The following SLC35D1 variants were observed in gnomAD, a reference collection of about 807,000 sequenced individuals.
SLC35D1 encodes the protein nucleotide sugar transporter SLC35D1.
A neutral mutation model predicts 46.7 loss-of-function variants in SLC35D1; 31 were observed. The observed-to-expected ratio is 0.66, with a 90% CI of 0.50 to 0.90. The LOEUF is 0.90. SLC35D1 is among the 40% of genes least tolerant of loss of function. SLC35D1 has a pLI of 0.00. For missense variants in SLC35D1, 397 were observed against 426.2 expected (o/e 0.93, Z 0.60); for synonymous variants, 195 against 164.6 (o/e 1.18, Z -1.41).
chr1:67,025,419 TTC>T (rs769252273), intron 8 of SLC35D1, among the ~76,000 whole-genome samples: 13 of 152,234 alleles, frequency 8.5e-5, no homozygotes, highest in Non-Finnish European at 1.5e-4. Flanking sequence ...AGATTCTCTG[TTC>T]TGTTTCACTG....
At chr1:66,986,367 T>C in the SLC35D1 span, 1 of 1,599,314 alleles carries the variant, frequency 6.3e-7, no homozygotes. Flanking sequence ...TCCAAACTTT[T>C]ATAAAATATT....
rs1667401675 is a variant in SLC35D1, at chr1:67,004,309, G to A, written c.*31C>T. On this transcript the variant is annotated 3_prime_UTR_variant, in exon 12 of 12. Transcript: ENST00000235345. ...GTGTTCTGAGTTGATTAAAAACTTA[G>A]GCCTACGTATCAGATGAAGCAATCC... 3.1e-6 allele frequency: 5 copies of A among 1,588,110 alleles called. No individual in the cohort carries two copies. Among genetic ancestry groups the A allele is most frequent in the Non-Finnish European group, 4.3e-6 (5 of 1,156,628 alleles).
chr1:67,009,686 T>C (rs1248420155), intron 10 of SLC35D1, among the ~76,000 whole-genome samples: 1 of 58,886 alleles, frequency 1.7e-5, no homozygotes, highest in Non-Finnish European at 3.1e-5. Context: ...AAGCAACAGA[T>C]GTTGGCGAGG....
rs1570639218 is a variant in SLC35D1 at position 67,042,428 on chromosome 1, AC to A, written c.637-101del. 5.2e-6 allele frequency: 5 copies of A among 953,358 alleles called. No individual in the cohort carries two copies. The East Asian group carries it at 1.2e-4, about 23-fold the overall frequency. The allele number at this position is 953,358 out of a possible 1,614,324, so 59.1% of individuals were successfully genotyped here. ...AAACTACACATAAATACACAAACAC[AC>A]ACACCCTCCCCTACAACATACACAG... On this transcript the variant is annotated intron_variant, in intron 7 of 11. Transcript: ENST00000235345.
At chr1:67,051,634 T>C (rs981362741) in intron 4 of SLC35D1, among the ~76,000 whole-genome samples, 27 of 152,216 alleles carry the variant, frequency 1.8e-4, no homozygotes, top group African/African-American at 5.5e-4. Flanking sequence ...TTTTGCTGTG[T>C]GGAAGTTGCC....
Position 67,004,208 on chromosome 1 carries a change from T to C in SLC35D1, c.*132A>G. 1.3e-6 allele frequency: 1 copy of C among 767,986 alleles called. No homozygotes were observed. The highest frequency in any genetic ancestry group is 1.5e-5 in the South Asian group (1 of 68,844). The allele number at this position is 767,986 out of a possible 1,614,324, so 47.6% of individuals were successfully genotyped here. On this transcript the variant is annotated 3_prime_UTR_variant, in exon 12 of 12. Transcript: ENST00000235345. ...AATTTTAAAAGGCAGCAATCAATCC[T>C]CAGATTGTACAAGTGCAAAGGAATG...
downstream of SLC35D1, among the ~76,000 whole-genome samples, chr1:66,997,519 A>AAATATATATAT (rs1553262615): frequency 5.7e-4 from 42 of 74,024 alleles, no homozygotes; most frequent in East Asian, 9.5e-3. Flanking sequence ...AAAAAAAAAA[A>AAATATATATAT]ATATATATAT....
At chr1:67,006,906 A>C (rs1667462013) in intron 11 of SLC35D1, among the ~76,000 whole-genome samples, 1 of 152,212 alleles carries the variant, frequency 6.6e-6, no homozygotes, top group Non-Finnish European at 1.5e-5. Context: ...CAAAAATTCC[A>C]GATTTTGGAG....
At chr1:67,036,974 C>T (rs1158018548) in intron 8 of SLC35D1, among the ~76,000 whole-genome samples, 2 of 151,826 alleles carry the variant, frequency 1.3e-5, no homozygotes, top group South Asian at 2.1e-4. Flanking sequence ...TTGACATTAC[C>T]ATGAGGCTTG....
intron 10 of SLC35D1, among the ~76,000 whole-genome samples, chr1:67,012,364 G>A (rs1007436844): frequency 3.3e-5 from 5 of 151,678 alleles, no homozygotes; most frequent in Admixed American, 1.3e-4. Context: ...TTTTTTGGGC[G>A]GGGGCATGGG....
chr1:66,981,899 AAGC>A, the SLC35D1 span: 1 of 1,614,014 alleles, frequency 6.2e-7, no homozygotes, highest in Non-Finnish European at 8.5e-7. Context: ...ATGGCACTGT[AAGC>A]ACTGCTAATC....
At chr1:66,985,758 G>A in the SLC35D1 span, 1 of 959,120 alleles carries the variant, frequency 1.0e-6, no homozygotes, top group Non-Finnish European at 1.2e-6. Context: ...TGTTTGTGTA[G>A]TAATTAAGTC....
chr1:66,973,285 C>T, the SLC35D1 span, among the ~76,000 whole-genome samples: 1 of 152,156 alleles, frequency 6.6e-6, no homozygotes, highest in East Asian at 1.9e-4. Flanking sequence ...TTCTTTATAG[C>T]TGTTTTCCAC....
At chr1:67,022,839 T>C (rs1667839574) in intron 8 of SLC35D1, among the ~76,000 whole-genome samples, 2 of 152,052 alleles carry the variant, frequency 1.3e-5, no homozygotes, top group Admixed American at 6.6e-5. Flanking sequence ...TGAGTCAATC[T>C]CCCCTCCATT....
chr1:67,019,409 T>C (rs1046282912), intron 10 of SLC35D1, among the ~76,000 whole-genome samples: 2 of 152,214 alleles, frequency 1.3e-5, no homozygotes, highest in African/African-American at 4.8e-5. Context: ...AATTGACCTG[T>C]TACAGCTTAA....
chr1:66,986,060 G>A, the SLC35D1 span: 1 of 1,016,860 alleles, frequency 9.8e-7, no homozygotes, highest in Non-Finnish European at 1.2e-6. Flanking sequence ...ACAGAGGAGG[G>A]GGGTCAAGTG....
intron 10 of SLC35D1, among the ~76,000 whole-genome samples, chr1:67,017,849 G>A (rs116814343): frequency 1.2e-3 from 178 of 152,144 alleles, no homozygotes; most frequent in African/African-American, 4.0e-3. Flanking sequence ...AAAAGATATG[G>A]GGCAATACAT....
chr1:67,028,025 C>A (rs1458985963), intron 8 of SLC35D1, among the ~76,000 whole-genome samples: 2 of 152,178 alleles, frequency 1.3e-5, no homozygotes, highest in African/African-American at 4.8e-5. Context: ...AGCCACCACA[C>A]CCAGCCACTA....
chr1:67,042,121 G>T, intron 8 of SLC35D1, 115 bp downstream of exon 8: 1 of 1,001,658 alleles, frequency 1.0e-6, no homozygotes. Flanking sequence ...TAAATGCTCA[G>T]TTTTTGGTCA....
Sources: allele counts gnomAD v4.1 joint callset (sites outside exome capture counted in the v4.1 genomes callset), GRCh38; gene constraint gnomAD v4.1.1; transcripts MANE v1.5; gene names NCBI Gene and HGNC (gene_info 2026-07-23, HGNC 2026-07-21).